Variants in DOK5 observed in about 807,000 individuals in gnomAD.
The protein encoded by DOK5 is docking protein 5, also known as downstream of tyrosine kinase 5.
A neutral mutation model predicts 43.3 loss-of-function variants in DOK5; 27 were observed. The observed-to-expected ratio is 0.62, with a 90% CI of 0.46 to 0.86. The LOEUF is 0.86. Ranked by LOEUF, DOK5 falls within the 40% of genes least tolerant of loss-of-function variation. The pLI is 0.00. For synonymous variants in DOK5, 146 were observed against 140.1 expected, an observed-to-expected ratio of 1.04 and a Z score of -0.30; for missense variants, 373 against 392.9, an observed-to-expected ratio of 0.95 and a Z score of 0.43.
chr20:54,481,178 C>G (rs865830759), intron 1 of DOK5, among the ~76,000 whole-genome samples: 1 of 125,978 alleles, frequency 7.9e-6, no homozygotes, highest in Non-Finnish European at 1.7e-5. Flanking sequence ...ATCTATCTAT[C>G]TATATTTTTT....
intron 1 of DOK5, among the ~76,000 whole-genome samples, chr20:54,554,216 T>C (rs903683598): frequency 1.3e-5 from 2 of 152,100 alleles, no homozygotes; most frequent in African/African-American, 4.8e-5. Flanking sequence ...TATTAGGAAT[T>C]GAAAGATTGT....
At chr20:54,523,045 AG>A (rs974924261) in intron 1 of DOK5, among the ~76,000 whole-genome samples, 2 of 152,172 alleles carry the variant, frequency 1.3e-5, no homozygotes, top group Non-Finnish European at 2.9e-5. Context: ...GGTACATAAT[AG>A]GTGCTCAAAA....
chr20:54,605,136 C>CAG (rs375163730), intron 5 of DOK5, among the ~76,000 whole-genome samples: 48 of 150,924 alleles, frequency 3.2e-4, no homozygotes, highest in African/African-American at 7.1e-4. Flanking sequence ...CAAACACACA[C>CAG]AGAGAGAGAG....
At chr20:54,548,573 T>C (rs1198644086) in intron 1 of DOK5, among the ~76,000 whole-genome samples, 4 of 152,170 alleles carry the variant, frequency 2.6e-5, no homozygotes, top group African/African-American at 4.8e-5. Flanking sequence ...GAAACTATTA[T>C]AGTTCGAATA....
At chr20:54,623,416 C>G (rs6014089) in intron 6 of DOK5, among the ~76,000 whole-genome samples, 10,986 of 152,052 alleles carry the variant, frequency 0.072, 447 homozygotes, top group Middle Eastern at 0.13. Context: ...CTGTGCAACC[C>G]AGCTTCTGTT....
At chr20:54,514,586 C>CTTTTTTTTTTT (rs199776939) in intron 1 of DOK5, among the ~76,000 whole-genome samples, 1 of 100,966 alleles carries the variant, frequency 9.9e-6, no homozygotes, top group African/African-American at 4.1e-5. Flanking sequence ...AAGTTTTACT[C>CTTTTTTTTTTT]TTTTTTTTTT....
At chr20:54,613,268 CTCTT>C (rs1163098399) in intron 6 of DOK5, among the ~76,000 whole-genome samples, 16 of 148,990 alleles carry the variant, frequency 1.1e-4, no homozygotes, top group African/African-American at 4.0e-4. Flanking sequence ...CCATCTCTCT[CTCTT>C]TCTAAATGTC....
chr20:54,588,717 T>C lies in DOK5; in HGVS notation c.320T>C (p.Leu107Pro), dbSNP rs1297018524. ...DLEADEWCKV[L>P]QMECVGTRIN... ...GAGGCTGATGAGTGGTGCAAAGTAC[T>C]CCAGATGGAGTGTGTAGGAACACGG... Residue 107 changes from leucine to proline, a missense_variant, in exon 4 of 8, where the codon CTC becomes CCC. Transcript: ENST00000262593. 7.4e-6 allele frequency: 12 copies of C among 1,613,982 alleles called. No individual in the cohort carries two copies. Among genetic ancestry groups the C allele is most frequent in the Non-Finnish European group, 1.0e-5 (12 of 1,179,998 alleles).
intron 1 of DOK5, among the ~76,000 whole-genome samples, chr20:54,543,578 TG>T (rs879811978): frequency 5.3e-5 from 8 of 151,530 alleles, no homozygotes; most frequent in Non-Finnish European, 5.9e-5. Flanking sequence ...TGTATGTGTG[TG>T]TGTGTGAGAG....
intron 1 of DOK5, among the ~76,000 whole-genome samples, chr20:54,546,104 T>C (rs1984334238): frequency 6.6e-6 from 1 of 152,212 alleles, no homozygotes; most frequent in South Asian, 2.1e-4. Context: ...ATATTTCTCC[T>C]AGCTTTTGAC....
In DOK5 at chr20:54,610,400, T is replaced by C; in HGVS notation, c.612T>C (p.Thr204=). Residue 204 remains threonine, a synonymous_variant, in exon 6 of 8, where the codon ACT becomes ACC. Transcript: ENST00000262593. ...TTTGTTTTCACAGGATGTGTGAGAC[T>C]GGTGAAGGGCTGTTTATCTTTCAGA... The part of the protein sequence containing the change: ...FTFEAGRMCE[T]GEGLFIFQTR... 1 of 1,560,584 alleles carries C rather than the reference T, an allele frequency of 6.4e-7. No homozygotes were observed. Among genetic ancestry groups the C allele is most frequent in the Non-Finnish European group, 8.6e-7 (1 of 1,156,230 alleles).
chr20:54,501,219 G>A (rs913975548), intron 1 of DOK5, among the ~76,000 whole-genome samples: 1 of 151,836 alleles, frequency 6.6e-6, no homozygotes, highest in Non-Finnish European at 1.5e-5. Flanking sequence ...TGTAATCCCA[G>A]CACTTTGGGA....
In DOK5 at chr20:54,650,620, C is replaced by A; in HGVS notation, c.*141C>A. On this transcript the variant is annotated 3_prime_UTR_variant, in exon 8 of 8. Coordinates refer to ENST00000262593, the MANE Select transcript of DOK5 (RefSeq NM_018431.5). ...GGCTAATTGTGTGGTCATTGGAAAACTCTGCAATACAATAATTTTCTTTAT... is the reference window on the plus strand; with the variant it reads ...GGCTAATTGTGTGGTCATTGGAAAAATCTGCAATACAATAATTTTCTTTAT... 1.6e-6 allele frequency: 1 copy of A among 640,276 alleles called. No individual in the cohort carries two copies. 39.7% of individuals were successfully genotyped at this position (640,276 alleles called of 1,614,324 possible).
chr20:54,629,083 G>C (rs1202902794), intron 6 of DOK5, among the ~76,000 whole-genome samples: 1 of 152,136 alleles, frequency 6.6e-6, no homozygotes, highest in Non-Finnish European at 1.5e-5. Flanking sequence ...GGACTCTGCT[G>C]CTCTCCTTTG....
intron 5 of DOK5, among the ~76,000 whole-genome samples, chr20:54,600,216 G>A (rs1219859898): frequency 1.3e-5 from 2 of 152,140 alleles, no homozygotes; most frequent in African/African-American, 2.4e-5. Context: ...CATGACACAG[G>A]TGGAGATGCA....
intron 1 of DOK5, among the ~76,000 whole-genome samples, chr20:54,543,171 G>A (rs1276138361): frequency 6.6e-6 from 1 of 152,184 alleles, no homozygotes; most frequent in East Asian, 1.9e-4. Context: ...GAATGAAGAT[G>A]TGTTGAAGTT....
chr20:54,611,669 C>A (rs1273443014), intron 6 of DOK5, among the ~76,000 whole-genome samples: 1 of 152,184 alleles, frequency 6.6e-6, no homozygotes, highest in Non-Finnish European at 1.5e-5. Context: ...AAGTAATGCA[C>A]ATCATGCGTT....
chr20:54,481,537 C>T (rs1981718497), intron 1 of DOK5, among the ~76,000 whole-genome samples: 2 of 152,118 alleles, frequency 1.3e-5, no homozygotes, highest in Admixed American at 1.3e-4. Flanking sequence ...TCTCCCTAGA[C>T]TTATTACCCT....
chr20:54,627,518 A>G (rs1240260702), intron 6 of DOK5, among the ~76,000 whole-genome samples: 1 of 152,242 alleles, frequency 6.6e-6, no homozygotes, highest in Non-Finnish European at 1.5e-5. Context: ...CCCTGGACTG[A>G]TACTCACTGG....
Sources: allele counts gnomAD v4.1 joint callset (sites outside exome capture counted in the v4.1 genomes callset), GRCh38; gene constraint gnomAD v4.1.1; transcripts MANE v1.5; gene names NCBI Gene and HGNC (gene_info 2026-07-23, HGNC 2026-07-21).